METAP1D: variants seen among roughly 807,000 people sequenced by gnomAD.
METAP1D encodes methionyl aminopeptidase type 1D, mitochondrial.
In METAP1D, 31 loss-of-function variants were observed where a neutral mutation model predicts 40.5. The ratio of observed to expected loss-of-function variants is 0.77; its 90% CI spans 0.58 to 1.03. The LOEUF (loss-of-function observed/expected upper bound fraction) is 1.03. METAP1D is among the 50% of genes least tolerant of loss of function. The pLI is 0.00. For missense variants in METAP1D, 411 were observed against 420.7 expected (o/e 0.98, Z 0.20); for synonymous variants, 151 against 146.4 (o/e 1.03, Z -0.22).
chr2:172,045,410 C>A (rs35859362), intron 1 of METAP1D, among the ~76,000 whole-genome samples: 37,621 of 130,902 alleles, frequency 0.29, 11,017 homozygotes, highest in Non-Finnish European at 0.37. Context: ...CCTGTAATCC[C>A]AGCACTTTGA....
At chr2:172,006,486 A>G (rs1420417672) in intron 1 of METAP1D, among the ~76,000 whole-genome samples, 2 of 152,124 alleles carry the variant, frequency 1.3e-5, no homozygotes, top group Non-Finnish European at 2.9e-5. Flanking sequence ...CCTGGCCAAT[A>G]TTTATAGTTT....
Position 172,041,726 on chromosome 2 carries a change from TTATATATATATATATA to T in METAP1D, c.41-19746_41-19731del, listed in dbSNP as rs67708838. Among the ~76,000 whole-genome samples, 40 of 37,570 alleles carry T rather than the reference TTATATATATATATATA, an allele frequency of 1.1e-3. 5 individuals carry two copies. Among genetic ancestry groups the T allele is most frequent in the African/African-American group, 2.7e-3 (34 of 12,436 alleles). The allele number at this position is 37,570 out of a possible 152,430, so 24.6% of individuals were successfully genotyped here. On this transcript the variant is annotated intron_variant, in intron 1 of 9. Coordinates refer to ENST00000315796, the MANE Select transcript of METAP1D (RefSeq NM_199227.3). The stretch of plus-strand genomic sequence containing the variant: ...TTTTAATTTCCTTACTCTAATTATT[TTATATATATATATATA>T]TATATATATATATATATATATATAT...
In METAP1D at chr2:172,080,116, T is replaced by C. The variant is rs567143174; in HGVS notation, c.851-12T>C. ...GATGAGGTCACTGCAGTAAATATTTTTCCTCTTACAGAGCCAATCATCACG... is the reference window on the plus strand; with the variant it reads ...GATGAGGTCACTGCAGTAAATATTTCTCCTCTTACAGAGCCAATCATCACG... On this transcript the variant is annotated splice_polypyrimidine_tract_variant and intron_variant, in intron 8 of 9. Coordinates refer to ENST00000315796, the MANE Select transcript of METAP1D (RefSeq NM_199227.3). 6.8e-6 allele frequency: 11 copies of C among 1,609,658 alleles called. No individual in the cohort carries two copies. Among genetic ancestry groups the C allele is most frequent in the Non-Finnish European group, 9.3e-6 (11 of 1,176,790 alleles).
intron 1 of METAP1D, among the ~76,000 whole-genome samples, chr2:172,026,217 C>G (rs780224780): frequency 1.3e-5 from 2 of 152,012 alleles, no homozygotes; most frequent in Non-Finnish European, 2.9e-5. Context: ...GTCATTTGTT[C>G]TATAGATTTT....
chr2:172,022,957 C>T (rs1045950411), intron 1 of METAP1D, among the ~76,000 whole-genome samples: 1 of 152,050 alleles, frequency 6.6e-6, no homozygotes, highest in Non-Finnish European at 1.5e-5. Context: ...GAGGCCGAGG[C>T]GGGCTGATCA....
intron 5 of METAP1D, among the ~76,000 whole-genome samples, 176 bp downstream of exon 5, chr2:172,066,482 C>G (rs1287915539): frequency 6.6e-6 from 1 of 152,062 alleles, no homozygotes; most frequent in African/African-American, 2.4e-5. Flanking sequence ...CCAAGTAAAC[C>G]CAGGCCTGAC....
At position 172,079,161 on chromosome 2, in the gene METAP1D, T is replaced by A. The variant is rs946747114; in HGVS notation, c.803-54T>A. Reference sequence around the variant, plus strand: ...GGCCTGACCCCTGTAATCTGTTTTTTTTTTCTGTCCTCCCCATTTCCTATT... The same window carrying A: ...GGCCTGACCCCTGTAATCTGTTTTTATTTTCTGTCCTCCCCATTTCCTATT... On this transcript the variant is annotated intron_variant, in intron 7 of 9. Transcript: ENST00000315796. The A allele has an allele frequency of 1.9e-6, 3 of 1,591,406 alleles. No homozygotes were observed. The African/African-American group carries it at 4.0e-5, about 21-fold the overall frequency.
intron 1 of METAP1D, among the ~76,000 whole-genome samples, chr2:172,050,704 T>C (rs2105457745): frequency 6.6e-6 from 1 of 152,308 alleles, no homozygotes; most frequent in East Asian, 1.9e-4. Context: ...TTCTTTCCTA[T>C]AACTTTGACA....
chr2:172,067,885 A>G (rs980075593), intron 5 of METAP1D, among the ~76,000 whole-genome samples: 7 of 152,206 alleles, frequency 4.6e-5, no homozygotes, highest in Non-Finnish European at 1.5e-5. Flanking sequence ...AACAAATTAT[A>G]TTTCTTATAA....
rs1244214375 is a variant in METAP1D, at chr2:172,070,051, G to A, written c.541-856G>A. Among the ~76,000 whole-genome samples, 3 of 152,094 alleles carry A rather than the reference G, an allele frequency of 2.0e-5. No individual in the cohort carries two copies. The East Asian group carries it at 5.8e-4, about 29-fold the overall frequency. On this transcript the variant is annotated intron_variant, in intron 5 of 9. Transcript: ENST00000315796. Reference sequence around the variant, plus strand: ...AGATAGGACAAATTTATGCAAAGTAGCAAATTCCATGCTACATCAAAGGAT... The same window carrying A: ...AGATAGGACAAATTTATGCAAAGTAACAAATTCCATGCTACATCAAAGGAT...
intron 8 of METAP1D, 100 bp from the exon 9 acceptor site, chr2:172,080,028 G>A (rs938599041): frequency 1.3e-5 from 13 of 1,029,878 alleles, no homozygotes; most frequent in Non-Finnish European, 1.8e-5. Flanking sequence ...AAGCACTTGA[G>A]GGGAGGGAGG....
chr2:172,006,188 T>G (rs1410428763), intron 1 of METAP1D, among the ~76,000 whole-genome samples: 2 of 298 alleles, frequency 6.7e-3, no homozygotes, highest in African/African-American at 6.9e-3. Flanking sequence ...TAGTTTTTGT[T>G]TTTTTTTTTT....
Position 172,044,088 on chromosome 2 carries a change from TCCC to T in METAP1D, c.41-17406_41-17404del, listed in dbSNP as rs1000615244. Among the ~76,000 whole-genome samples, 39 of 133,654 alleles carry T rather than the reference TCCC, an allele frequency of 2.9e-4. 4 individuals are homozygous for T. The highest frequency in any genetic ancestry group is 8.8e-4 in the African/African-American group (35 of 39,592). 87.7% of individuals were successfully genotyped at this position (133,654 alleles called of 152,430 possible). A position where few individuals can be genotyped will look rare whatever the true frequency, so the allele number is the denominator to read the frequency against. ...GTCTGGGTGACAGAGCAAGACCCTG[TCCC>T]CCCAAAAAATTATAGTCATATTGTC... is the stretch of plus-strand genomic sequence containing the variant. On this transcript the variant is annotated intron_variant, in intron 1 of 9. Coordinates refer to ENST00000315796, the MANE Select transcript of METAP1D (RefSeq NM_199227.3).
chr2:172,068,278 A>G (rs189434251), intron 5 of METAP1D, among the ~76,000 whole-genome samples: 236 of 152,232 alleles, frequency 1.6e-3, no homozygotes, highest in African/African-American at 5.5e-3. Context: ...CTCTAATCCC[A>G]GCTACTTAGG....
In METAP1D at chr2:172,045,795, ATATGTG is replaced by A. The variant is rs1195228447; in HGVS notation, c.41-15701_41-15696del. On this transcript the variant is annotated intron_variant, in intron 1 of 9. Coordinates refer to ENST00000315796, the MANE Select transcript of METAP1D (RefSeq NM_199227.3). ...TGTATATATGTGTATGTATATGTAT[ATATGTG>A]TGTGTGTGTGTGTGTGTGTATATAT... is the stretch of plus-strand genomic sequence containing the variant. Among the ~76,000 whole-genome samples the A allele has an allele frequency of 5.8e-3, 108 of 18,700 alleles. 2 individuals carry two copies. Among genetic ancestry groups the A allele is most frequent in the African/African-American group, 0.015 (98 of 6,584 alleles). 12.3% of individuals were successfully genotyped at this position (18,700 alleles called of 152,430 possible).
At chr2:172,075,504 T>G (rs1690519469) in intron 6 of METAP1D, among the ~76,000 whole-genome samples, 2 of 152,114 alleles carry the variant, frequency 1.3e-5, no homozygotes, top group Non-Finnish European at 2.9e-5. Context: ...ATACTCCAAC[T>G]CCCCATGCCA....
chr2:172,000,296 C>T (rs1213988891), intron 1 of METAP1D, among the ~76,000 whole-genome samples: 4 of 152,234 alleles, frequency 2.6e-5, no homozygotes, highest in Non-Finnish European at 4.4e-5. Flanking sequence ...TTTTCCCCAA[C>T]TTCGGTTGTA....
chr2:172,071,520 C>T (rs772322148), intron 6 of METAP1D, among the ~76,000 whole-genome samples: 15 of 152,160 alleles, frequency 9.9e-5, no homozygotes, highest in Non-Finnish European at 1.9e-4. Flanking sequence ...TCAAGCAAGC[C>T]TTACCTTTCA....
intron 1 of METAP1D, among the ~76,000 whole-genome samples, chr2:172,011,501 G>T (rs987246461): frequency 1.3e-5 from 2 of 151,738 alleles, no homozygotes; most frequent in African/African-American, 4.8e-5. Context: ...AGCCAGGCTG[G>T]TCTCGATCTC....
Sources: gnomAD v4.1 joint callset for allele counts (sites outside exome capture counted in the v4.1 genomes callset) on GRCh38, gnomAD v4.1.1 for gene constraint, MANE v1.5 for transcripts, NCBI Gene and HGNC (gene_info 2026-07-23, HGNC 2026-07-21) for gene names.